SEPTIN7: variants seen among roughly 807,000 people sequenced by gnomAD.
The protein encoded by SEPTIN7 is septin 7.
Under a neutral mutation model 63.3 loss-of-function variants are expected in SEPTIN7, and 10 were observed. The observed-to-expected ratio is 0.16, with a 90% CI of 0.10 to 0.27. The LOEUF (loss-of-function observed/expected upper bound fraction) is 0.27, where lower values mean the gene tolerates loss of function less well. SEPTIN7 is among the 10% of genes least tolerant of loss of function. SEPTIN7 has a pLI of 1.00. For synonymous variants in SEPTIN7, 131 were observed against 165.3 expected (o/e 0.79, Z 1.59); for missense variants, 310 against 521.0 (o/e 0.59, Z 3.94).
chr7:35,821,692 G>T (rs563189256), intron 1 of SEPTIN7, among the ~76,000 whole-genome samples: 19 of 152,314 alleles, frequency 1.2e-4, no homozygotes, highest in Admixed American at 3.3e-4. Flanking sequence ...TAAGTAAGTG[G>T]TTTAAGTTTA....
At chr7:35,885,231 T>G (rs1185196246) in intron 9 of SEPTIN7, among the ~76,000 whole-genome samples, 1 of 152,194 alleles carries the variant, frequency 6.6e-6, no homozygotes, top group Admixed American at 6.6e-5. Context: ...CAGTGACCTG[T>G]GTACCTTGTT....
intron 9 of SEPTIN7, among the ~76,000 whole-genome samples, chr7:35,885,415 A>G (rs1309222512): frequency 1.3e-5 from 2 of 152,190 alleles, no homozygotes; most frequent in Non-Finnish European, 2.9e-5. Flanking sequence ...ATAAAAGTAA[A>G]GAACCTGAAA....
intron 1 of SEPTIN7, among the ~76,000 whole-genome samples, chr7:35,829,140 T>TTTTTTTTTTTTG (rs1783683688): frequency 7.4e-6 from 1 of 135,944 alleles, no homozygotes; most frequent in Non-Finnish European, 1.6e-5. Flanking sequence ...TTTTTTTTTT[T>TTTTTTTTTTTTG]TTTTTTTTTT....
chr7:35,882,957 G>C (rs1256188749), intron 8 of SEPTIN7, among the ~76,000 whole-genome samples: 3 of 152,042 alleles, frequency 2.0e-5, no homozygotes, highest in Admixed American at 2.0e-4. Flanking sequence ...ATTACAGCTA[G>C]ATAGGAGGAG....
At chr7:35,830,980 A>G (rs1562531160) in intron 1 of SEPTIN7, among the ~76,000 whole-genome samples, 1 of 152,242 alleles carries the variant, frequency 6.6e-6, no homozygotes, top group East Asian at 1.9e-4. Context: ...TTTTAACCAA[A>G]ACATTTGCAT....
the SEPTIN7 span, among the ~76,000 whole-genome samples, chr7:35,914,620 C>T: frequency 6.7e-6 from 1 of 148,796 alleles, no homozygotes; most frequent in African/African-American, 2.5e-5. Context: ...AAATCTCTCT[C>T]TCTTCTCTCT....
intron 3 of SEPTIN7, among the ~76,000 whole-genome samples, chr7:35,835,372 A>C (rs1349089066): frequency 6.6e-6 from 1 of 152,188 alleles, no homozygotes; most frequent in African/African-American, 2.4e-5. Context: ...TAATGTTTTC[A>C]GTACTTTATG....
At chr7:35,836,399 C>T (rs1188091976) in intron 3 of SEPTIN7, among the ~76,000 whole-genome samples, 1 of 152,116 alleles carries the variant, frequency 6.6e-6, no homozygotes, top group Non-Finnish European at 1.5e-5. Context: ...TATTCTGAAT[C>T]CTAGGAAGAT....
Position 35,904,299 on chromosome 7 carries a change from C to T in SEPTIN7, c.*6C>T, listed in dbSNP as rs752248745. On this transcript the variant is annotated 3_prime_UTR_variant, in exon 14 of 14. Coordinates refer to ENST00000350320, the MANE Select transcript of SEPTIN7 (RefSeq NM_001788.6). ...AGAAAGGGAAGATCTTTTAAACTCTCTATTGACCACCAGTTAACGTATTAG... is the reference window on the plus strand; with the variant it reads ...AGAAAGGGAAGATCTTTTAAACTCTTTATTGACCACCAGTTAACGTATTAG... 6.4e-7 allele frequency: 1 copy of T among 1,557,566 alleles called. No homozygotes were observed. The highest frequency in any genetic ancestry group is 1.2e-5 in the South Asian group (1 of 82,498).
chr7:35,885,801 C>T, intron 9 of SEPTIN7, 27 bp from the exon 10 acceptor site: 2 of 1,564,084 alleles, frequency 1.3e-6, no homozygotes, highest in African/African-American at 1.3e-5. Flanking sequence ...GGAAATATAA[C>T]ATATGCGGTC....
At chr7:35,903,028 T>C in intron 12 of SEPTIN7, 48 bp from the exon 13 acceptor site, 1 of 1,513,594 alleles carries the variant, frequency 6.6e-7, no homozygotes, top group Non-Finnish European at 8.8e-7. Context: ...ATACCTCTGC[T>C]TCTGATTTCT....
chr7:35,903,874 T>C (rs1239857818), intron 13 of SEPTIN7, among the ~76,000 whole-genome samples: 2 of 152,180 alleles, frequency 1.3e-5, no homozygotes, highest in African/African-American at 2.4e-5. Flanking sequence ...AAGAGGAAAA[T>C]AGATTTGTGA....
chr7:35,868,397 G>A (rs1785945630), intron 4 of SEPTIN7, among the ~76,000 whole-genome samples: 1 of 152,154 alleles, frequency 6.6e-6, no homozygotes, highest in Non-Finnish European at 1.5e-5. Flanking sequence ...CTTAAACTAA[G>A]TTTTGGGGCT....
chr7:35,810,763 G>A (rs1788651007), intron 1 of SEPTIN7, among the ~76,000 whole-genome samples: 1 of 151,344 alleles, frequency 6.6e-6, no homozygotes. Flanking sequence ...ATTGTAATGA[G>A]TTAATGAGTT....
intron 4 of SEPTIN7, among the ~76,000 whole-genome samples, chr7:35,866,608 T>C (rs1212095917): frequency 3.9e-5 from 6 of 152,228 alleles, no homozygotes; most frequent in Non-Finnish European, 7.3e-5. Flanking sequence ...AAAGGAGATA[T>C]TCATTCACAT....
chr7:35,858,360 T>A (rs1258266523), intron 3 of SEPTIN7, among the ~76,000 whole-genome samples: 1 of 152,170 alleles, frequency 6.6e-6, no homozygotes, highest in Non-Finnish European at 1.5e-5. Context: ...TTTTGCTGAT[T>A]TCTGTTCTTT....
chr7:35,832,442 A>G (rs1249483102), intron 2 of SEPTIN7, among the ~76,000 whole-genome samples: 1 of 151,986 alleles, frequency 6.6e-6, no homozygotes, highest in Non-Finnish European at 1.5e-5. Flanking sequence ...TATGAAGGGG[A>G]TTTGAATTTT....
chr7:35,869,469 A>T (rs1360186027), intron 4 of SEPTIN7, among the ~76,000 whole-genome samples: 1 of 152,206 alleles, frequency 6.6e-6, no homozygotes, highest in Non-Finnish European at 1.5e-5. Context: ...ATGTCTTCAG[A>T]GTTTTGGCTG....
At chr7:35,873,042 C>T (rs1029352648) in intron 5 of SEPTIN7, among the ~76,000 whole-genome samples, 4 of 152,024 alleles carry the variant, frequency 2.6e-5, no homozygotes, top group South Asian at 2.1e-4. Flanking sequence ...GAAGAATTCT[C>T]ATTATTGTAA....
Sources: allele counts gnomAD v4.1 joint callset (sites outside exome capture counted in the v4.1 genomes callset), GRCh38; gene constraint gnomAD v4.1.1; transcripts MANE v1.5; gene names NCBI Gene and HGNC (gene_info 2026-07-23, HGNC 2026-07-21).